The following IPO11 variants were observed in gnomAD, a reference collection of about 807,000 sequenced individuals.
IPO11 encodes the protein importin 11, also known as importin-11.
In IPO11, 66 loss-of-function variants were observed where a neutral mutation model predicts 143.2. That is an observed-to-expected ratio of 0.46 (90% CI 0.38 to 0.57). The LOEUF is 0.57. Among genes scored for constraint, IPO11 ranks in the 20% least tolerant of loss-of-function variants. IPO11 has a pLI of 0.00. For synonymous variants in IPO11, 385 were observed against 377.8 expected (o/e 1.02, Z -0.22); for missense variants, 1,026 against 1,141.0 (o/e 0.90, Z 1.45).
At chr5:62,592,388 G>C (rs182596801) in intron 28 of IPO11, among the ~76,000 whole-genome samples, 8 of 152,008 alleles carry the variant, frequency 5.3e-5, no homozygotes, top group Admixed American at 1.3e-4. Flanking sequence ...GCAGATATAT[G>C]TTGTTGAATC....
In IPO11 at chr5:62,515,512, TCTC is replaced by T. The variant is rs778471833; in HGVS notation, c.1896+13_1896+15del. 1.0e-5 allele frequency: 16 copies of T among 1,540,938 alleles called. No individual in the cohort carries two copies. The highest frequency in any genetic ancestry group is 2.0e-5 in the Admixed American group (1 of 49,966). ...ATTCATCTTGTTCAGGTAAGTCACT[TCTC>T]CACAGAGTTTTTTTAGTTTAGTGGT... On this transcript the variant is annotated intron_variant, in intron 20 of 29. Coordinates refer to ENST00000325324, the MANE Select transcript of IPO11 (RefSeq NM_016338.5).
intron 29 of IPO11, among the ~76,000 whole-genome samples, 171 bp from the exon 30 acceptor site, chr5:62,626,983 A>G (rs961216649): frequency 7.9e-5 from 12 of 152,058 alleles, no homozygotes; most frequent in Non-Finnish European, 2.9e-5. Context: ...ATTGAATGAA[A>G]TTTTCTTTGA....
rs770133801 is a variant in IPO11 at position 62,601,749 on chromosome 5, A to T, written c.2679-15A>T. On this transcript the variant is annotated splice_polypyrimidine_tract_variant and intron_variant, in intron 28 of 29. Coordinates refer to ENST00000325324, the MANE Select transcript of IPO11 (RefSeq NM_016338.5). ...CATTTTTATTTAAAACATGTTTTTTAAAAAATTATTATAGCTGTATGTTGA... is the reference window on the plus strand; with the variant it reads ...CATTTTTATTTAAAACATGTTTTTTTAAAAATTATTATAGCTGTATGTTGA... 14 of 1,434,752 alleles carry T rather than the reference A, an allele frequency of 9.8e-6. No individual in the cohort carries two copies. The highest frequency in any genetic ancestry group is 2.4e-5 in the East Asian group (1 of 41,006). 88.9% of individuals were successfully genotyped at this position (1,434,752 alleles called of 1,614,324 possible). A position where few individuals can be genotyped will look rare whatever the true frequency, so the allele number is the denominator to read the frequency against.
At chr5:62,491,608 T>C (rs922747577) in intron 15 of IPO11, among the ~76,000 whole-genome samples, 5 of 152,158 alleles carry the variant, frequency 3.3e-5, no homozygotes, top group African/African-American at 1.2e-4. Flanking sequence ...AAAATATTTA[T>C]TGATTACATG....
At chr5:62,497,869 T>A (rs1205079768) in intron 16 of IPO11, among the ~76,000 whole-genome samples, 3 of 152,240 alleles carry the variant, frequency 2.0e-5, no homozygotes, top group Non-Finnish European at 4.4e-5. Context: ...AAAATAAGGA[T>A]GGCAATACTA....
intron 3 of IPO11, among the ~76,000 whole-genome samples, chr5:62,447,386 G>A (rs972716801): frequency 6.6e-5 from 10 of 152,118 alleles, no homozygotes; most frequent in Admixed American, 2.6e-4. Flanking sequence ...ATTTACAGGC[G>A]TGAGCCAGTG....
At chr5:62,434,993 G>A (rs1744118648) in intron 1 of IPO11, among the ~76,000 whole-genome samples, 1 of 149,490 alleles carries the variant, frequency 6.7e-6, no homozygotes, top group Admixed American at 6.8e-5. Flanking sequence ...CCACTGCACT[G>A]TAGCCTAGGC....
chr5:62,562,607 A>G (rs754734792), intron 27 of IPO11, among the ~76,000 whole-genome samples: 1 of 152,182 alleles, frequency 6.6e-6, no homozygotes, highest in Non-Finnish European at 1.5e-5. Context: ...ACTTCCTGCT[A>G]TGCAGCTTGG....
chr5:62,494,040 G>C lies in IPO11; in HGVS notation c.1506G>C (p.Gln502His). 6.2e-7 allele frequency: 1 copy of C among 1,613,416 alleles called. No individual in the cohort carries two copies. Among genetic ancestry groups the C allele is most frequent in the Non-Finnish European group, 8.5e-7 (1 of 1,179,600 alleles). ...LRRRVIWLIG[Q>H]WISVKFKSDL... ...GCAGGGTGATTTGGCTCATCGGTCA[G>C]TGGATTTCTGTGAAATTCAAGTCTG... is the stretch of plus-strand genomic sequence containing the variant. Residue 502 changes from glutamine to histidine, a missense_variant, in exon 16 of 30, where the codon CAG becomes CAC. Gln to His is a conservative substitution (Grantham distance 24). Around this residue, in one of 5 missense-constraint regions of IPO11, gnomAD observed 237 missense variants for 288.0 expected, o/e 0.82. Coordinates refer to ENST00000325324, the MANE Select transcript of IPO11 (RefSeq NM_016338.5).
intron 27 of IPO11, chr5:62,579,919 T>C (rs1328300799): frequency 6.4e-7 from 1 of 1,551,318 alleles, no homozygotes; most frequent in East Asian, 2.4e-5. Context: ...AGTTCAGTAC[T>C]TAAATCTACA....
At chr5:62,492,624 A>G (rs1036745364) in intron 15 of IPO11, among the ~76,000 whole-genome samples, 6 of 152,022 alleles carry the variant, frequency 3.9e-5, no homozygotes, top group African/African-American at 9.7e-5. Context: ...GCCCACTGCA[A>G]TCTCTGCTTC....
At chr5:62,414,171 T>G (rs944775873) in intron 1 of IPO11, among the ~76,000 whole-genome samples, 1 of 152,240 alleles carries the variant, frequency 6.6e-6, no homozygotes, top group Admixed American at 6.5e-5. Context: ...GTAAAGATTA[T>G]CTGATCATTA....
At chr5:62,571,614 C>A (rs1744133483) in intron 27 of IPO11, among the ~76,000 whole-genome samples, 2 of 151,818 alleles carry the variant, frequency 1.3e-5, no homozygotes, top group Admixed American at 1.3e-4. Flanking sequence ...TTGTGATAGC[C>A]TTTTGACAAT....
intron 19 of IPO11, among the ~76,000 whole-genome samples, chr5:62,509,332 T>A (rs950736969): frequency 3.3e-5 from 5 of 152,210 alleles, no homozygotes; most frequent in African/African-American, 4.8e-5. Flanking sequence ...TAGAGTAATT[T>A]TTTTAACCCC....
At chr5:62,534,389 C>A (rs916222107) in intron 22 of IPO11, among the ~76,000 whole-genome samples, 1 of 152,020 alleles carries the variant, frequency 6.6e-6, no homozygotes, top group East Asian at 1.9e-4. Context: ...TCTAGATTCT[C>A]TATAACATAA....
chr5:62,436,726 G>A (rs760754642), intron 1 of IPO11, among the ~76,000 whole-genome samples: 2 of 152,028 alleles, frequency 1.3e-5, no homozygotes, highest in African/African-American at 4.8e-5. Flanking sequence ...ATTTCATTTT[G>A]TATGTTTCTT....
Position 62,601,486 on chromosome 5 carries a change from G to A in IPO11, c.2679-278G>A, listed in dbSNP as rs371669243. ...TACATGCATTACTTTGTCAGCTGATGGTTCATTGTTTCAGAAGTGGCGTAT... is the reference window on the plus strand; with the variant it reads ...TACATGCATTACTTTGTCAGCTGATAGTTCATTGTTTCAGAAGTGGCGTAT... On this transcript the variant is annotated intron_variant, in intron 28 of 29. Coordinates refer to ENST00000325324, the MANE Select transcript of IPO11 (RefSeq NM_016338.5). Among the ~76,000 whole-genome samples the A allele has an allele frequency of 2.8e-4, 42 of 152,172 alleles. No homozygotes were observed. In the East Asian group the frequency reaches 4.8e-3, roughly 18 times the overall value.
intron 2 of IPO11, among the ~76,000 whole-genome samples, chr5:62,437,715 C>T (rs1459406497): frequency 6.6e-6 from 1 of 152,184 alleles, no homozygotes; most frequent in East Asian, 1.9e-4. Flanking sequence ...AGCACTCTTT[C>T]ATATTTTGTC....
chr5:62,578,757 T>C (rs1364877017), intron 27 of IPO11: 3 of 460,082 alleles, frequency 6.5e-6, no homozygotes, highest in Non-Finnish European at 1.3e-5. Flanking sequence ...AAGGAACCAA[T>C]GTGAAGAGTG....
Sources: gnomAD v4.1 joint callset for allele counts (sites outside exome capture counted in the v4.1 genomes callset) on GRCh38, gnomAD v4.1.1 for gene constraint, gnomAD v4.1.1 regional missense constraint, MANE v1.5 for transcripts, NCBI Gene and HGNC (gene_info 2026-07-23, HGNC 2026-07-21) for gene names.